LPAR4: variants seen among roughly 807,000 people sequenced by gnomAD.
LPAR4 encodes lysophosphatidic acid receptor 4, also known as G-protein coupled receptor 23.
LPAR4 carries 14 observed loss-of-function variants against 9.2 expected under a neutral mutation model. The observed-to-expected ratio is 1.51, with a 90% CI of 1.00 to 2.37. The LOEUF is 2.37. LPAR4 is among the 30% of genes most tolerant of loss of function. The probability of loss-of-function intolerance (pLI) is 0.00; values close to 1 mark genes in which losing one functional copy is unlikely to be tolerated. For synonymous variants in LPAR4, 131 were observed against 97.9 expected (o/e 1.34, Z -1.99); for missense variants, 251 against 272.1 (o/e 0.92, Z 0.55).
chrX:78,753,227 C>T (rs1455591298), intron 4 of LPAR4, among the ~76,000 whole-genome samples: 2 of 112,060 alleles, frequency 1.8e-5, no homozygotes, highest in Admixed American at 1.9e-4. Flanking sequence ...TCATCTGAAG[C>T]TCAAGTGTTG....
rs772724423 is a variant in LPAR4 at position 78,755,812 on chromosome X, C to A, written c.943C>A (p.Leu315Ile). 1 of 1,210,065 alleles carries A rather than the reference C, an allele frequency of 8.3e-7. No homozygotes were observed. Among genetic ancestry groups the A allele is most frequent in the Admixed American group, 2.2e-5 (1 of 45,969 alleles). ...TGACCCTTTCATCTATTACTTCACC[C>A]TTGAATCCTTTCAGAAGTCCTTCTA... ...CFDPFIYYFT[L>I]ESFQKSFYIN... The change falls in exon 5 of 5, where the codon CTT becomes ATT. Residue 315 changes from leucine to isoleucine, a missense_variant. Physicochemically the swap from Leu to Ile is conservative, Grantham distance 5. Coordinates refer to ENST00000614823, the MANE Select transcript of LPAR4 (RefSeq NM_001278000.3).
chrX:78,755,623 A>C lies in LPAR4; in HGVS notation c.754A>C (p.Thr252Pro), dbSNP rs1925260049. 8.3e-7 allele frequency: 1 copy of C among 1,210,093 alleles called. No individual in the cohort carries two copies. The highest frequency in any genetic ancestry group is 1.1e-6 in the Non-Finnish European group (1 of 894,304). Residue 252 changes from threonine to proline, a missense_variant, in exon 5 of 5, where the codon ACA (threonine) becomes CCA (proline). Transcript: ENST00000614823. ...TNKKKVLKMI[T>P]VHMAVFVVCF... is the part of the protein sequence containing the mutation. Reference sequence around the variant, plus strand: ...TAAGAAAAAAGTACTGAAAATGATCACAGTACATATGGCAGTCTTTGTGGT... The same window carrying C: ...TAAGAAAAAAGTACTGAAAATGATCCCAGTACATATGGCAGTCTTTGTGGT...
chrX:78,748,510 C>A (rs1162062060), intron 1 of LPAR4, among the ~76,000 whole-genome samples: 2 of 111,879 alleles, frequency 1.8e-5, no homozygotes, highest in Non-Finnish European at 3.8e-5. Context: ...AAGGAAGAAT[C>A]ATGTTTGAAT....
Position 78,754,857 on chromosome X carries a change from GA to G in LPAR4, c.-5del, listed in dbSNP as rs751293085. The G allele has an allele frequency of 1.6e-5, 19 of 1,170,631 alleles. No individual in the cohort carries two copies. The African/African-American group carries it at 2.0e-4, about 12-fold the overall frequency. ...AACCCCTGCAGCCAGCAGGCCTCCT[GA>G]AAAAAAAGTCCATGGGTGACAGAAG... On this transcript the variant is annotated 5_prime_UTR_variant, in exon 5 of 5. Coordinates refer to ENST00000614823, the MANE Select transcript of LPAR4 (RefSeq NM_001278000.3).
rs1925403751 is a variant in LPAR4, at chrX:78,758,591, A to T, written c.*2609A>T. On this transcript the variant is annotated 3_prime_UTR_variant, in exon 5 of 5. Transcript: ENST00000614823. ...TGTCACATTAACAATGTAACCAAGA[A>T]AATGTAAAGTATAACTAAATATAAA... is the stretch of plus-strand genomic sequence containing the variant. 2.7e-5 allele frequency among the ~76,000 whole-genome samples: 3 copies of T among 112,100 alleles called. No homozygotes were observed. The East Asian group carries it at 8.3e-4, about 31-fold the overall frequency.
rs1434994409 is a variant in LPAR4, at chrX:78,754,826, G to T, written c.-44G>T. 6.3e-6 allele frequency: 7 copies of T among 1,111,061 alleles called. No individual in the cohort carries two copies. In the Admixed American group the frequency reaches 1.4e-4, roughly 22 times the overall value. The allele number at this position is 1,111,061 out of a possible 1,213,427, so 91.6% of individuals were successfully genotyped here. On this transcript the variant is annotated 5_prime_UTR_variant, in exon 5 of 5. Coordinates refer to ENST00000614823, the MANE Select transcript of LPAR4 (RefSeq NM_001278000.3). Reference sequence around the variant, plus strand: ...TTTCCTACCGGTCCATAGTGTCAGAGTGGTGAACCCCTGCAGCCAGCAGGC... The same window carrying T: ...TTTCCTACCGGTCCATAGTGTCAGATTGGTGAACCCCTGCAGCCAGCAGGC...
chrX:78,755,367 C>T lies in LPAR4; in HGVS notation c.498C>T (p.Val166=), dbSNP rs770577263. 4 of 1,210,763 alleles carry T rather than the reference C, an allele frequency of 3.3e-6. No homozygotes were observed. The East Asian group carries it at 8.9e-5, about 27-fold the overall frequency. Residue 166 remains valine, a synonymous_variant, in exon 5 of 5, where the codon GTC becomes GTT. Coordinates refer to ENST00000614823, the MANE Select transcript of LPAR4 (RefSeq NM_001278000.3). ...AIVCAGVWIL[V]LSGGISASLF... is the part of the protein sequence containing the mutation. ...TGTGTGCTGGTGTCTGGATCCTAGT[C>T]CTCAGTGGCGGTATTTCAGCCTCTT...
Position 78,755,423 on chromosome X carries a change from C to G in LPAR4, c.554C>G (p.Thr185Ser). ...LFSTTNVNNATTTCFEGFSKR... is the reference protein window; with the variant it reads ...LFSTTNVNNASTTCFEGFSKR... ...TCCACCACTAATGTCAACAATGCAA[C>G]CACCACCTGCTTTGAAGGCTTCTCC... Residue 185 changes from threonine (T) to serine (S), a missense_variant, in exon 5 of 5, where the codon ACC becomes AGC. By Grantham distance (58) the Thr-to-Ser change is moderately conservative. Coordinates refer to ENST00000614823, the MANE Select transcript of LPAR4 (RefSeq NM_001278000.3). The G allele has an allele frequency of 8.3e-7, 1 of 1,208,786 alleles. No individual in the cohort carries two copies. The highest frequency in any genetic ancestry group is 3.0e-5 in the East Asian group (1 of 33,806).
chrX:78,757,758 A>G lies in LPAR4; in HGVS notation c.*1776A>G, dbSNP rs989046457. ...CCCTGAAAAACAACAAAAATATTTTAAAATGTGCATTAATCAATTTTTAAA... is the reference window on the plus strand; with the variant it reads ...CCCTGAAAAACAACAAAAATATTTTGAAATGTGCATTAATCAATTTTTAAA... On this transcript the variant is annotated 3_prime_UTR_variant, in exon 5 of 5. Coordinates refer to ENST00000614823, the MANE Select transcript of LPAR4 (RefSeq NM_001278000.3). 3.6e-5 allele frequency among the ~76,000 whole-genome samples: 4 copies of G among 111,931 alleles called. No homozygotes were observed. Among genetic ancestry groups the G allele is most frequent in the South Asian group, 7.2e-4 (2 of 2,768 alleles).
rs1387380698 is a variant in LPAR4, at chrX:78,755,084, G to A, written c.215G>A (p.Ser72Asn). 2 of 1,209,567 alleles carry A rather than the reference G, an allele frequency of 1.7e-6. No individual in the cohort carries two copies. The highest frequency in any genetic ancestry group is 2.2e-5 in the Admixed American group (1 of 45,971). ...FVFCFRMKMRSETAIFITNLA... is the reference protein window; with the variant it reads ...FVFCFRMKMRNETAIFITNLA... ...TTCTGTTTCCGCATGAAAATGAGAAGTGAGACTGCTATTTTTATCACCAAT... is the reference window on the plus strand; with the variant it reads ...TTCTGTTTCCGCATGAAAATGAGAAATGAGACTGCTATTTTTATCACCAAT... The change falls in exon 5 of 5, where the codon AGT (serine) becomes AAT (asparagine). Residue 72 changes from serine (S) to asparagine (N), a missense_variant. By Grantham distance (46) the Ser-to-Asn change is conservative (BLOSUM62 1). Coordinates refer to ENST00000614823, the MANE Select transcript of LPAR4 (RefSeq NM_001278000.3).
In LPAR4 at chrX:78,751,718, G is replaced by T. The variant is rs760067246; in HGVS notation, c.-80+407G>T. Reference sequence around the variant, plus strand: ...TATGACCCTTACAGAAATTGGAAATGAGTTATTTTGGGAACACCCAAAAAT... The same window carrying T: ...TATGACCCTTACAGAAATTGGAAATTAGTTATTTTGGGAACACCCAAAAAT... On this transcript the variant is annotated intron_variant, in intron 4 of 4. Coordinates refer to ENST00000614823, the MANE Select transcript of LPAR4 (RefSeq NM_001278000.3). Among the ~76,000 whole-genome samples the T allele has an allele frequency of 5.4e-5, 6 of 111,449 alleles. No homozygotes were observed. The Admixed American group carries it at 5.7e-4, about 11-fold the overall frequency.
intron 1 of LPAR4, among the ~76,000 whole-genome samples, chrX:78,748,361 A>G (rs1924925398): frequency 8.9e-6 from 1 of 112,183 alleles, no homozygotes; most frequent in South Asian, 3.7e-4. Context: ...TTTGGTTTAC[A>G]GTTTATTGTG....
In LPAR4 at chrX:78,750,184, T is replaced by C. The variant is rs1924993163; in HGVS notation, c.-284T>C. 2.7e-5 allele frequency: 3 copies of C among 111,936 alleles called. No homozygotes were observed. The highest frequency in any genetic ancestry group is 9.7e-5 in the African/African-American group (3 of 30,812). The allele number at this position is 111,936 out of a possible 1,213,427, so 9.2% of individuals were successfully genotyped here. A position where few individuals can be genotyped will look rare whatever the true frequency, so the allele number is the denominator to read the frequency against. ...TTCATTTCATTCCAGGAAGACAGAT[T>C]TCTGGAGGAGTGTGAAAATCAACTC... On this transcript the variant is annotated 5_prime_UTR_variant, in exon 2 of 5. Coordinates refer to ENST00000614823, the MANE Select transcript of LPAR4 (RefSeq NM_001278000.3).
At position 78,755,382 on chromosome X, in the gene LPAR4, T is replaced by A. The variant is rs764828384; in HGVS notation, c.513T>A (p.Ile171=). 22 of 1,208,855 alleles carry A rather than the reference T, an allele frequency of 1.8e-5. No homozygotes were observed. The East Asian group carries it at 6.5e-4, about 36-fold the overall frequency. The change falls in exon 5 of 5, where the codon ATT becomes ATA. Residue 171 remains isoleucine (I), a synonymous_variant. Transcript: ENST00000614823. ...GGATCCTAGTCCTCAGTGGCGGTAT[T>A]TCAGCCTCTTTGTTTTCCACCACTA... The part of the protein sequence containing the change: ...GVWILVLSGG[I]SASLFSTTNV...
chrX:78,757,979 G>A lies in LPAR4; in HGVS notation c.*1997G>A, dbSNP rs1925377025. On this transcript the variant is annotated 3_prime_UTR_variant, in exon 5 of 5. Transcript: ENST00000614823. ...AACTCATTAACTTGTTTTTCTTTCT[G>A]ATGATATGCAGACTTAAAAATACTG... Among the ~76,000 whole-genome samples the A allele has an allele frequency of 9.0e-6, 1 of 111,585 alleles. No homozygotes were observed. The highest frequency in any genetic ancestry group is 3.6e-4 in the South Asian group (1 of 2,750).
chrX:78,757,772 T>A lies in LPAR4; in HGVS notation c.*1790T>A. On this transcript the variant is annotated 3_prime_UTR_variant, in exon 5 of 5. Coordinates refer to ENST00000614823, the MANE Select transcript of LPAR4 (RefSeq NM_001278000.3). ...AAAAATATTTTAAAATGTGCATTAA[T>A]CAATTTTTAAAATATTTGGATAACA... Among the ~76,000 whole-genome samples, 1 of 111,847 alleles carries A rather than the reference T, an allele frequency of 8.9e-6. No individual in the cohort carries two copies. Among genetic ancestry groups the A allele is most frequent in the Non-Finnish European group, 1.9e-5 (1 of 53,070 alleles).
At chrX:78,749,660 T>G (rs765042500) in intron 1 of LPAR4, among the ~76,000 whole-genome samples, 1 of 111,716 alleles carries the variant, frequency 9.0e-6, no homozygotes, top group South Asian at 3.7e-4. Flanking sequence ...GTGGCATCTT[T>G]CTCTGTGATT....
In LPAR4 at chrX:78,758,367, T is replaced by C. The variant is rs1183698178; in HGVS notation, c.*2385T>C. Among the ~76,000 whole-genome samples the C allele has an allele frequency of 8.9e-6, 1 of 111,822 alleles. No homozygotes were observed. Among genetic ancestry groups the C allele is most frequent in the East Asian group, 2.8e-4 (1 of 3,600 alleles). ...TAAGTATAAAATATATGTGAACATT[T>C]GTTTGTGCCCTTGCTTCTTAACATT... On this transcript the variant is annotated 3_prime_UTR_variant, in exon 5 of 5. Transcript: ENST00000614823.
intron 4 of LPAR4, among the ~76,000 whole-genome samples, chrX:78,752,705 T>C (rs1925120929): frequency 9.0e-6 from 1 of 111,563 alleles, no homozygotes; most frequent in South Asian, 3.8e-4. Flanking sequence ...CTTCCTGAGC[T>C]CTGGACTGTC....
Sources: allele counts gnomAD v4.1 joint callset (sites outside exome capture counted in the v4.1 genomes callset), GRCh38; gene constraint gnomAD v4.1.1; transcripts MANE v1.5; gene names NCBI Gene and HGNC (gene_info 2026-07-23, HGNC 2026-07-21).